The following ILRUN variants were observed in gnomAD, a reference collection of about 807,000 sequenced individuals.
ILRUN encodes the protein protein ILRUN.
A neutral mutation model predicts 33.8 loss-of-function variants in ILRUN; 3 were observed. That is an observed-to-expected ratio of 0.09 (90% CI 0.04 to 0.23). The LOEUF (loss-of-function observed/expected upper bound fraction) is 0.23, where lower values mean the gene tolerates loss of function less well. Among genes scored for constraint, ILRUN ranks in the 10% least tolerant of loss-of-function variants. ILRUN has a pLI of 1.00. For synonymous variants in ILRUN, 124 were observed against 138.9 expected, an observed-to-expected ratio of 0.89 and a Z score of 0.75; for missense variants, 210 against 375.1, an observed-to-expected ratio of 0.56 and a Z score of 3.64.
rs1277514923 is a variant in ILRUN at position 34,592,749 on chromosome 6, C to T, written c.862-2149G>A. Among the ~76,000 whole-genome samples, 1 of 152,106 alleles carries T rather than the reference C, an allele frequency of 6.6e-6. No individual in the cohort carries two copies. Among genetic ancestry groups the T allele is most frequent in the African/African-American group, 2.4e-5 (1 of 41,410 alleles). ...AGCAGCTTAAAACAAGCTGCCCTGACTCAGCAGTTCCCAACAACAATCATT... is the reference window on the plus strand; with the variant it reads ...AGCAGCTTAAAACAAGCTGCCCTGATTCAGCAGTTCCCAACAACAATCATT... On this transcript the variant is annotated intron_variant, in intron 4 of 4. Coordinates refer to ENST00000374023, the MANE Select transcript of ILRUN (RefSeq NM_024294.4). The surrounding 1 kb of genome is among the most constrained non-coding windows in gnomAD (Gnocchi z 4.0).
intron 1 of ILRUN, 53 bp downstream of exon 1, chr6:34,696,393 C>T: frequency 6.6e-7 from 1 of 1,511,086 alleles, no homozygotes; most frequent in South Asian, 1.2e-5. Context: ...CCTTCCCTTC[C>T]CCTCGGGGCC....
intron 1 of ILRUN, chr6:34,686,852 AGGCTG>A (rs2127388762): frequency 8.9e-6 from 1 of 112,874 alleles, no homozygotes; most frequent in Non-Finnish European, 1.8e-5. Flanking sequence ...GCTACTCGGG[AGGCTG>A]AGGCAGGAGA....
intron 1 of ILRUN, among the ~76,000 whole-genome samples, chr6:34,659,325 C>T (rs1015846243): frequency 1.3e-5 from 2 of 152,166 alleles, no homozygotes; most frequent in Admixed American, 6.5e-5. Context: ...CTCTGTCCAA[C>T]CTTCATTTTA....
At chr6:34,598,178 A>G (rs886445165) in intron 4 of ILRUN, among the ~76,000 whole-genome samples, 1 of 152,196 alleles carries the variant, frequency 6.6e-6, no homozygotes, top group Non-Finnish European at 1.5e-5. Flanking sequence ...CTATCAGTCA[A>G]TATTATTGAC....
chr6:34,660,119 TGG>T (rs1762857821), intron 1 of ILRUN, among the ~76,000 whole-genome samples: 1 of 146,396 alleles, frequency 6.8e-6, no homozygotes, highest in South Asian at 2.2e-4. Flanking sequence ...CTAGGTAACA[TGG>T]CGAAACCTCA....
At chr6:34,609,203 G>T (rs1041249448) in intron 3 of ILRUN, among the ~76,000 whole-genome samples, 2 of 152,204 alleles carry the variant, frequency 1.3e-5, no homozygotes, top group Non-Finnish European at 2.9e-5. Flanking sequence ...AAAGAAGGCA[G>T]CCTGGCTGGG....
chr6:34,625,383 T>C lies in ILRUN; in HGVS notation c.512-18479A>G, dbSNP rs190205471. ...TGAGTAGGTCTATCAACATCTCTCA[T>C]AGGGGTACTTAGAACTCCCTCATGG... On this transcript the variant is annotated intron_variant, in intron 3 of 4. Transcript: ENST00000374023. Among the ~76,000 whole-genome samples, 3 of 152,270 alleles carry C rather than the reference T, an allele frequency of 2.0e-5. No homozygotes were observed. The East Asian group carries it at 5.8e-4, about 29-fold the overall frequency.
intron 3 of ILRUN, among the ~76,000 whole-genome samples, chr6:34,638,549 A>C (rs577865956): frequency 1.1e-4 from 17 of 152,088 alleles, no homozygotes; most frequent in African/African-American, 4.1e-4. Flanking sequence ...CCCCGTCTCT[A>C]CAAAACAAAA....
intron 1 of ILRUN, among the ~76,000 whole-genome samples, chr6:34,674,882 A>T (rs1416756654): frequency 6.6e-6 from 1 of 152,100 alleles, no homozygotes. Flanking sequence ...CAAGTTGGTG[A>T]GATCCCCCCA....
intron 1 of ILRUN, among the ~76,000 whole-genome samples, chr6:34,683,488 A>ACATATATACG (rs1562033160): frequency 0.012 from 1,110 of 91,826 alleles, 18 homozygotes; most frequent in African/African-American, 0.02. Context: ...ATATATATAC[A>ACATATATACG]TATATATATA....
chr6:34,660,959 G>A (rs1391099729), intron 1 of ILRUN, among the ~76,000 whole-genome samples: 1 of 152,148 alleles, frequency 6.6e-6, no homozygotes, highest in Non-Finnish European at 1.5e-5. Context: ...AAGAATTTGT[G>A]GAAAATTACA....
chr6:34,615,488 G>T (rs1185990872), intron 3 of ILRUN, among the ~76,000 whole-genome samples: 2 of 152,022 alleles, frequency 1.3e-5, no homozygotes, highest in Non-Finnish European at 2.9e-5. Flanking sequence ...CCCAGCTACT[G>T]GGGAGGCTGG....
Position 34,696,547 on chromosome 6 carries a change from C to A in ILRUN, c.57G>T (p.Leu19=), listed in dbSNP as rs1435470996. The A allele has an allele frequency of 6.2e-7, 1 of 1,613,374 alleles. No individual in the cohort carries two copies. Among genetic ancestry groups the A allele is most frequent in the Admixed American group, 1.7e-5 (1 of 60,012 alleles). The change falls in exon 1 of 5, where the codon CTG becomes CTT. Residue 19 remains leucine (L), a synonymous_variant. Transcript: ENST00000374023. ...TGAGCACGTCCTTGTCGGTGGTGCC[C>A]AGGCAGCTGAACTTCTGCATCAGCT... ...DPELMQKFSC[L]GTTDKDVLIS...
intron 1 of ILRUN, among the ~76,000 whole-genome samples, chr6:34,686,370 G>A (rs575263284): frequency 1.1e-4 from 16 of 151,264 alleles, no homozygotes; most frequent in South Asian, 4.2e-4. Context: ...CGTGGTGGCG[G>A]GCGCCTGTAG....
chr6:34,609,370 G>A (rs868671664), intron 3 of ILRUN, among the ~76,000 whole-genome samples: 1 of 152,146 alleles, frequency 6.6e-6, no homozygotes, highest in Non-Finnish European at 1.5e-5. Context: ...CACGCCTGTA[G>A]TCTTGGCTAC....
chr6:34,616,596 G>A (rs752163516), intron 3 of ILRUN: 120 of 1,571,638 alleles, frequency 7.6e-5, no homozygotes, highest in Middle Eastern at 4.6e-4. Flanking sequence ...AAGAAAAAGC[G>A]AAGGAATTTT....
chr6:34,643,192 G>A (rs139437397), intron 3 of ILRUN, among the ~76,000 whole-genome samples: 1,582 of 151,874 alleles, frequency 0.01, 11 homozygotes, highest in Non-Finnish European at 0.016. Context: ...CCAGCTACTC[G>A]GGAGGCTGAG....
intron 3 of ILRUN, among the ~76,000 whole-genome samples, chr6:34,639,182 C>T (rs1378533049): frequency 6.6e-6 from 1 of 152,136 alleles, no homozygotes; most frequent in East Asian, 1.9e-4. Flanking sequence ...GGTTTGGGAC[C>T]TTCATAAGGG....
intron 4 of ILRUN, among the ~76,000 whole-genome samples, chr6:34,599,759 G>C (rs1431644377): frequency 6.6e-6 from 1 of 152,010 alleles, no homozygotes; most frequent in Non-Finnish European, 1.5e-5. Flanking sequence ...CAGCCCACTT[G>C]ACACCTCCAT....
Sources: gnomAD v4.1 joint callset for allele counts (sites outside exome capture counted in the v4.1 genomes callset) on GRCh38, gnomAD v4.1.1 for gene constraint, Gnocchi (gnomAD v3.1) non-coding constraint, MANE v1.5 for transcripts, NCBI Gene and HGNC (gene_info 2026-07-23, HGNC 2026-07-21) for gene names.